MTFR1: variants seen among roughly 807,000 people sequenced by gnomAD.
The protein encoded by MTFR1 is chondrocyte protein with a poly-proline region.
Under a neutral mutation model 38.8 loss-of-function variants are expected in MTFR1, and 28 were observed. The ratio of observed to expected loss-of-function variants is 0.72; its 90% CI spans 0.53 to 0.99. The LOEUF is 0.99. MTFR1 is among the 50% of genes least tolerant of loss of function. The pLI is 0.00. For synonymous variants in MTFR1, 145 were observed against 137.0 expected (o/e 1.06, Z -0.41); for missense variants, 358 against 395.5 (o/e 0.91, Z 0.81).
chr8:65,748,548 G>T (rs1322159467), intron 3 of MTFR1, among the ~76,000 whole-genome samples: 1 of 152,134 alleles, frequency 6.6e-6, no homozygotes, highest in Admixed American at 6.5e-5. Context: ...AATCTGTCTT[G>T]CAGGGAACAT....
chr8:65,771,913 A>G (rs1264809591), downstream of MTFR1, among the ~76,000 whole-genome samples: 1 of 151,032 alleles, frequency 6.6e-6, no homozygotes, highest in Admixed American at 6.6e-5. Context: ...AAAAAGAAGA[A>G]GAAGAAAGAA....
chr8:65,719,809 ACT>A, intron 3 of MTFR1: 1 of 324,388 alleles, frequency 3.1e-6, no homozygotes, highest in East Asian at 6.8e-5. Flanking sequence ...GCCCATCTAA[ACT>A]CTGAGGATAC....
At chr8:65,681,535 A>G (rs573205910) in intron 2 of MTFR1, among the ~76,000 whole-genome samples, 2 of 152,338 alleles carry the variant, frequency 1.3e-5, no homozygotes, top group Admixed American at 6.5e-5. Context: ...TATTCTGTCC[A>G]GGCTTTCAAG....
intron 1 of MTFR1, among the ~76,000 whole-genome samples, chr8:65,656,122 G>A (rs1483153790): frequency 1.3e-5 from 2 of 150,070 alleles, no homozygotes; most frequent in Non-Finnish European, 3.0e-5. Context: ...CTTGAACCCA[G>A]GAGGCAGAGG....
chr8:65,721,772 T>C (rs975579239), intron 3 of MTFR1: 1 of 151,982 alleles, frequency 6.6e-6, no homozygotes, highest in African/African-American at 2.4e-5. Context: ...GATTCACCTG[T>C]CTTCGATTCA....
intron 1 of MTFR1, among the ~76,000 whole-genome samples, chr8:65,650,168 C>T (rs1270832563): frequency 1.3e-5 from 2 of 149,496 alleles, no homozygotes; most frequent in African/African-American, 4.9e-5. Context: ...AGAGACAGGG[C>T]TATGCCATGT....
In MTFR1 at chr8:65,698,154, C is replaced by CTT. The variant is rs201836617; in HGVS notation, c.281+4407_281+4408dup. On this transcript the variant is annotated intron_variant, in intron 4 of 7. Transcript: ENST00000262146. ...ATTTGAGTCCATGATTTTTTTTTTT[C>CTT]TTTTTTTTTTTTTCAGAAGGATCTG... Among the ~76,000 whole-genome samples the CTT allele has an allele frequency of 1.6e-3, 208 of 128,634 alleles. 6 individuals carry two copies. The South Asian group carries it at 0.046, about 28-fold the overall frequency. The allele number at this position is 128,634 out of a possible 152,430, so 84.4% of individuals were successfully genotyped here.
chr8:65,721,060 T>C (rs916588669), intron 3 of MTFR1, among the ~76,000 whole-genome samples: 2 of 152,200 alleles, frequency 1.3e-5, no homozygotes, highest in African/African-American at 4.8e-5. Context: ...AAAATTTCTT[T>C]TAGGTTTTAA....
intron 1 of MTFR1, among the ~76,000 whole-genome samples, chr8:65,649,262 G>A (rs1809052202): frequency 6.6e-6 from 1 of 151,696 alleles, no homozygotes; most frequent in African/African-American, 2.4e-5. Context: ...TCGGCTCACT[G>A]CAACCTCCAC....
chr8:65,730,754 C>T (rs1366507027), intron 3 of MTFR1, among the ~76,000 whole-genome samples: 5 of 151,990 alleles, frequency 3.3e-5, no homozygotes, highest in Non-Finnish European at 5.9e-5. Flanking sequence ...ATGGCAAAAC[C>T]CCATCTCTAC....
At chr8:65,684,577 G>T (rs575919685) in intron 3 of MTFR1, among the ~76,000 whole-genome samples, 3 of 151,718 alleles carry the variant, frequency 2.0e-5, no homozygotes, top group East Asian at 2.0e-4. Context: ...TAGAGATGGG[G>T]TTTCTCCGTG....
At chr8:65,673,605 TAA>T (rs111437172) in intron 2 of MTFR1, among the ~76,000 whole-genome samples, 1 of 142,398 alleles carries the variant, frequency 7.0e-6, no homozygotes, top group African/African-American at 2.6e-5. Context: ...AAAGTATAAT[TAA>T]AAAAAAAAAA....
At chr8:65,706,840 A>G (rs1203620253) in intron 5 of MTFR1, among the ~76,000 whole-genome samples, 170 bp from the exon 6 acceptor site, 2 of 152,228 alleles carry the variant, frequency 1.3e-5, no homozygotes, top group African/African-American at 2.4e-5. Flanking sequence ...GCTGAGATTC[A>G]GGCATTTCTC....
chr8:65,726,741 AATTT>A (rs1330469098), intron 3 of MTFR1: 3 of 538,346 alleles, frequency 5.6e-6, no homozygotes, highest in Non-Finnish European at 1.0e-5. Flanking sequence ...AATTGTATAT[AATTT>A]ATTAAATTTG....
intron 1 of MTFR1, among the ~76,000 whole-genome samples, chr8:65,664,564 G>A (rs904366531): frequency 6.6e-6 from 1 of 150,676 alleles, no homozygotes; most frequent in Non-Finnish European, 1.5e-5. Context: ...ATATTTTTCT[G>A]TGTAGGTTAT....
chr8:65,767,329 C>T (rs1808841123), intron 3 of MTFR1, among the ~76,000 whole-genome samples: 1 of 152,142 alleles, frequency 6.6e-6, no homozygotes, highest in African/African-American at 2.4e-5. Flanking sequence ...AGAGACTGTG[C>T]TTTCTGTTGT....
chr8:65,746,741 T>C (rs191791354), intron 3 of MTFR1, among the ~76,000 whole-genome samples: 1 of 152,258 alleles, frequency 6.6e-6, no homozygotes, highest in African/African-American at 2.4e-5. Flanking sequence ...AGATCAATAT[T>C]CTCATTCTAA....
At chr8:65,697,524 G>A (rs1805481814) in intron 4 of MTFR1, among the ~76,000 whole-genome samples, 3 of 152,248 alleles carry the variant, frequency 2.0e-5, no homozygotes, top group African/African-American at 7.2e-5. Flanking sequence ...TAATCATGCA[G>A]TAGTTGATGG....
chr8:65,723,058 A>G (rs903211662), intron 3 of MTFR1: 14 of 152,552 alleles, frequency 9.2e-5, no homozygotes, highest in Admixed American at 2.0e-4. Context: ...AAGCAAGATT[A>G]TAAGGGCCTG....
Sources: gnomAD v4.1 joint callset for allele counts (sites outside exome capture counted in the v4.1 genomes callset) on GRCh38, gnomAD v4.1.1 for gene constraint, MANE v1.5 for transcripts, NCBI Gene and HGNC (gene_info 2026-07-23, HGNC 2026-07-21) for gene names.